Variants in KDM5B observed in about 807,000 individuals in gnomAD.
The protein encoded by KDM5B is lysine demethylase 5B.
Under a neutral mutation model 193.4 loss-of-function variants are expected in KDM5B, and 144 were observed. The observed-to-expected ratio is 0.74, with a 90% CI of 0.65 to 0.86. KDM5B has a LOEUF of 0.86. Among genes scored for constraint, KDM5B ranks in the 40% least tolerant of loss-of-function variants. KDM5B has a pLI of 0.00. For synonymous variants in KDM5B, 668 were observed against 682.6 expected (o/e 0.98, Z 0.33); for missense variants, 1,833 against 1,886.9 (o/e 0.97, Z 0.53).
chr1:202,752,619 A>G (rs989100403), intron 12 of KDM5B, among the ~76,000 whole-genome samples: 8 of 152,188 alleles, frequency 5.3e-5, no homozygotes, highest in African/African-American at 1.9e-4. Flanking sequence ...CTTGAAATAG[A>G]TTTTCACTTA....
At chr1:202,796,793 A>G (rs373789300) in intron 1 of KDM5B, 361 of 158,204 alleles carry the variant, frequency 2.3e-3, no homozygotes, top group African/African-American at 8.1e-3. Context: ...CATAGGAGTC[A>G]GCTTTGCAGC....
Position 202,741,736 on chromosome 1 carries a change from C to T in KDM5B, c.2590-14G>A, listed in dbSNP as rs1465082448. 1.3e-6 allele frequency: 2 copies of T among 1,485,580 alleles called. No homozygotes were observed. The highest frequency in any genetic ancestry group is 2.3e-5 in the East Asian group (1 of 44,168). 92.0% of individuals were successfully genotyped at this position (1,485,580 alleles called of 1,614,324 possible). ...ATTCAAGAGATCCTAAAAAAAAATA[C>T]ACAGGTTGTTGCATTAAAACAGTAA... On this transcript the variant is annotated splice_polypyrimidine_tract_variant and intron_variant, in intron 18 of 26. Coordinates refer to ENST00000367265, the MANE Select transcript of KDM5B (RefSeq NM_006618.5).
intron 16 of KDM5B, among the ~76,000 whole-genome samples, chr1:202,745,264 C>CA (rs1429582317): frequency 6.6e-6 from 1 of 152,182 alleles, no homozygotes; most frequent in African/African-American, 2.4e-5. Flanking sequence ...ATCTGTACAA[C>CA]AAACGCCCAT....
At position 202,727,445 on chromosome 1, in the gene KDM5B, G is replaced by A. The variant is rs1025030422; in HGVS notation, c.*1591C>T. 3 of 152,584 alleles carry A rather than the reference G, an allele frequency of 2.0e-5. No homozygotes were observed. Among genetic ancestry groups the A allele is most frequent in the African/African-American group, 4.8e-5 (2 of 41,420 alleles). 9.5% of individuals were successfully genotyped at this position (152,584 alleles called of 1,614,324 possible). ...TTAATTATTTGAAGTGCATAAAAGGGGAGGGTACATTTAAACCTCTGCTAT... is the reference window on the plus strand; with the variant it reads ...TTAATTATTTGAAGTGCATAAAAGGAGAGGGTACATTTAAACCTCTGCTAT... On this transcript the variant is annotated 3_prime_UTR_variant, in exon 27 of 27. Transcript: ENST00000367265.
chr1:202,799,341 T>C (rs367982061), intron 1 of KDM5B, among the ~76,000 whole-genome samples: 15 of 152,242 alleles, frequency 9.9e-5, no homozygotes, highest in Admixed American at 7.2e-4. Flanking sequence ...TTTTACATAA[T>C]AGAGGAACTG....
In KDM5B at chr1:202,764,091, G is replaced by C; in HGVS notation, c.766C>G (p.Leu256Val). The C allele has an allele frequency of 6.3e-7, 1 of 1,587,172 alleles. No homozygotes were observed. The highest frequency in any genetic ancestry group is 8.6e-7 in the Non-Finnish European group (1 of 1,169,160). ...GTTGGACAACCCATTCGACGTCTCA[G>C]ATTATGAGTTCTGGCTTCCGTTGTC... ...EETTEARTHNLRRRMGCPTPK... is the reference protein window; with the variant it reads ...EETTEARTHNVRRRMGCPTPK... Residue 256 changes from leucine to valine, a missense_variant, in exon 6 of 27, where the codon CTG becomes GTG. By Grantham distance (32) the Leu-to-Val change is conservative. Coordinates refer to ENST00000367265, the MANE Select transcript of KDM5B (RefSeq NM_006618.5).
chr1:202,754,577 A>G (rs150334008), intron 11 of KDM5B, among the ~76,000 whole-genome samples: 14 of 152,360 alleles, frequency 9.2e-5, no homozygotes, highest in Non-Finnish European at 1.9e-4. Context: ...GGTACCTACT[A>G]TAATTCACGC....
At chr1:202,798,266 A>G (rs1347157528) in intron 1 of KDM5B, among the ~76,000 whole-genome samples, 1 of 150,982 alleles carries the variant, frequency 6.6e-6, no homozygotes, top group Non-Finnish European at 1.5e-5. Context: ...TAGTCTATAT[A>G]TTCTAGGGTT....
chr1:202,751,115 A>G (rs1049481463), intron 12 of KDM5B, among the ~76,000 whole-genome samples: 1 of 152,114 alleles, frequency 6.6e-6, no homozygotes, highest in Admixed American at 6.6e-5. Flanking sequence ...TCTACCACCA[A>G]TTAAAGCAAT....
chr1:202,750,929 A>C, intron 12 of KDM5B, 151 bp from the exon 13 acceptor site: 1 of 664,992 alleles, frequency 1.5e-6, no homozygotes, highest in South Asian at 2.3e-5. Context: ...GTAGAATATC[A>C]CCTAGAGATA....
chr1:202,758,507 A>G lies in KDM5B; in HGVS notation c.1081T>C (p.Cys361Arg), dbSNP rs1656110337. The part of the protein sequence containing the change: ...WRCPKCLAQE[C>R]SKPQEAFGFE... ...CCAAATGCTTCTTGTGGCTTACTAC[A>G]TTCCTGAAAATAAAGAAAATTACGT... The change falls in exon 9 of 27, where the codon TGT (cysteine) becomes CGT (arginine). Residue 361 changes from cysteine to arginine, a missense_variant. Around this residue, in one of 3 missense-constraint regions of KDM5B, gnomAD observed 99 missense variants for 162.4 expected, o/e 0.61. Transcript: ENST00000367265. 4 of 1,604,942 alleles carry G rather than the reference A, an allele frequency of 2.5e-6. No individual in the cohort carries two copies. Among genetic ancestry groups the G allele is most frequent in the East Asian group, 2.2e-5 (1 of 44,666 alleles).
At chr1:202,790,371 G>GT (rs1397924465) in intron 1 of KDM5B, among the ~76,000 whole-genome samples, 1 of 152,162 alleles carries the variant, frequency 6.6e-6, no homozygotes, top group Non-Finnish European at 1.5e-5. Context: ...GAGCCTGGAA[G>GT]TTTGAGACCA....
chr1:202,767,271 A>T, intron 4 of KDM5B: 1 of 1,607,994 alleles, frequency 6.2e-7, no homozygotes, highest in Non-Finnish European at 8.5e-7. Context: ...GGAAGGGTAT[A>T]GCAAACGCAG....
chr1:202,735,165 T>C (rs1655045882), intron 22 of KDM5B, among the ~76,000 whole-genome samples: 1 of 152,208 alleles, frequency 6.6e-6, no homozygotes, highest in African/African-American at 2.4e-5. Context: ...TTAGCATTCC[T>C]GGATCAACCC....
At chr1:202,771,244 CAGTCTCATTCTG>C (rs1656702272) in intron 4 of KDM5B, among the ~76,000 whole-genome samples, 1 of 152,108 alleles carries the variant, frequency 6.6e-6, no homozygotes, top group Non-Finnish European at 1.5e-5. Flanking sequence ...TTTTTTGAGA[CAGTCTCATTCTG>C]AGTCTCATTC....
intron 5 of KDM5B, 123 bp from the exon 6 acceptor site, chr1:202,764,268 A>G: frequency 1.9e-6 from 1 of 536,412 alleles, no homozygotes; most frequent in Non-Finnish European, 3.2e-6. Context: ...CATTCAAAAC[A>G]TACTTCTCTC....
At position 202,774,726 on chromosome 1, in the gene KDM5B, G is replaced by A. The variant is rs1656866068; in HGVS notation, c.292C>T (p.Arg98Cys). ...QRLNELEAQT[R>C]VKLNFLDQIA... is the part of the protein sequence containing the mutation. Reference sequence around the variant, plus strand: ...TGGTCCAAGAAATTCAATTTTACACGAGTTTGGGCCTAAAAGACAAAGAAT... The same window carrying A: ...TGGTCCAAGAAATTCAATTTTACACAAGTTTGGGCCTAAAAGACAAAGAAT... Residue 98 changes from arginine to cysteine, a missense_variant, in exon 3 of 27, where the codon CGT (arginine) becomes TGT (cysteine). Physicochemically the swap from Arg to Cys is radical, Grantham distance 180. This residue lies in a region of KDM5B where 355 missense variants were observed against 374.9 expected (regional missense o/e 0.95). Coordinates refer to ENST00000367265, the MANE Select transcript of KDM5B (RefSeq NM_006618.5). 8 of 1,612,852 alleles carry A rather than the reference G, an allele frequency of 5.0e-6. No homozygotes were observed. The highest frequency in any genetic ancestry group is 4.2e-6 in the Non-Finnish European group (5 of 1,179,346).
chr1:202,769,804 G>A (rs1372086488), intron 4 of KDM5B, among the ~76,000 whole-genome samples: 1 of 151,820 alleles, frequency 6.6e-6, no homozygotes, highest in Admixed American at 6.6e-5. Flanking sequence ...CCTCAGTTGA[G>A]CATTTAGAGT....
chr1:202,752,268 T>C (rs923480447), intron 12 of KDM5B, among the ~76,000 whole-genome samples: 1 of 152,244 alleles, frequency 6.6e-6, no homozygotes, highest in African/African-American at 2.4e-5. Flanking sequence ...TATAATACCA[T>C]ATTTTCACTG....
Sources: gnomAD v4.1 joint callset for allele counts (sites outside exome capture counted in the v4.1 genomes callset) on GRCh38, gnomAD v4.1.1 for gene constraint, gnomAD v4.1.1 regional missense constraint, MANE v1.5 for transcripts, NCBI Gene and HGNC (gene_info 2026-07-23, HGNC 2026-07-21) for gene names.